The following ANAPC4 variants were observed in gnomAD, a reference collection of about 807,000 sequenced individuals.
ANAPC4 encodes anaphase promoting complex subunit 4.
Under a neutral mutation model 119.8 loss-of-function variants are expected in ANAPC4, and 63 were observed. The ratio of observed to expected loss-of-function variants is 0.53; its 90% CI spans 0.43 to 0.65. The LOEUF is 0.65. ANAPC4 is among the 30% of genes least tolerant of loss of function. ANAPC4 has a pLI of 0.00. For synonymous variants in ANAPC4, 283 were observed against 318.6 expected (o/e 0.89, Z 1.19); for missense variants, 716 against 945.1 (o/e 0.76, Z 3.18).
intron 9 of ANAPC4, among the ~76,000 whole-genome samples, 190 bp from the exon 10 acceptor site, chr4:25,392,148 A>G (rs925892616): frequency 6.6e-6 from 1 of 152,168 alleles, no homozygotes; most frequent in Non-Finnish European, 1.5e-5. Flanking sequence ...ACCCAGAGAG[A>G]GTGATTTGTG....
In ANAPC4 at chr4:25,377,307, C is replaced by CT; in HGVS notation, c.-47dup. Reference sequence around the variant, plus strand: ...GCCGGCAGAGGGAGGGGAGAGGCCACTGGGGCCGTGTTAGTCTGCCGGTGG... The same window carrying CT: ...GCCGGCAGAGGGAGGGGAGAGGCCACTTGGGGCCGTGTTAGTCTGCCGGTGG... On this transcript the variant is annotated 5_prime_UTR_variant, in exon 1 of 29. Coordinates refer to ENST00000315368, the MANE Select transcript of ANAPC4 (RefSeq NM_013367.3). 1 of 1,384,688 alleles carries CT rather than the reference C, an allele frequency of 7.2e-7. No individual in the cohort carries two copies. Among genetic ancestry groups the CT allele is most frequent in the Admixed American group, 2.3e-5 (1 of 42,798 alleles). 85.8% of individuals were successfully genotyped at this position (1,384,688 alleles called of 1,614,324 possible). A position where few individuals can be genotyped will look rare whatever the true frequency, so the allele number is the denominator to read the frequency against.
At chr4:25,396,314 G>A (rs1279743115) in intron 14 of ANAPC4, among the ~76,000 whole-genome samples, 5 of 152,274 alleles carry the variant, frequency 3.3e-5, no homozygotes, top group Non-Finnish European at 5.9e-5. Context: ...TATATAGCAC[G>A]GTACCTGACC....
intron 27 of ANAPC4, 117 bp downstream of exon 27, chr4:25,416,715 C>A: frequency 2.6e-6 from 2 of 766,580 alleles, no homozygotes; most frequent in Non-Finnish European, 3.8e-6. Flanking sequence ...GAGATAACCA[C>A]AGAGGTAGCT....
intron 2 of ANAPC4, among the ~76,000 whole-genome samples, chr4:25,379,344 AG>A (rs1254694961): frequency 6.6e-6 from 1 of 152,222 alleles, no homozygotes; most frequent in African/African-American, 2.4e-5. Flanking sequence ...TTAAGGAATG[AG>A]GGGAATGGCC....
At chr4:25,397,299 T>C (rs1403119639) in intron 16 of ANAPC4, among the ~76,000 whole-genome samples, 2 of 152,224 alleles carry the variant, frequency 1.3e-5, no homozygotes, top group Non-Finnish European at 2.9e-5. Flanking sequence ...CTGTTTTTTC[T>C]GCATCCTTCC....
At position 25,390,131 on chromosome 4, in the gene ANAPC4, A is replaced by T; in HGVS notation, c.516-5A>T. On this transcript the variant is annotated splice_polypyrimidine_tract_variant and splice_region_variant and intron_variant, in intron 7 of 28. Coordinates refer to ENST00000315368, the MANE Select transcript of ANAPC4 (RefSeq NM_013367.3). The stretch of plus-strand genomic sequence containing the variant: ...TTCTCAGCTTGTTGCATTGTTTTTA[A>T]TTAGGCTTAATATTCTCGTCCTTGG... 6.2e-7 allele frequency: 1 copy of T among 1,605,820 alleles called. No homozygotes were observed. Among genetic ancestry groups the T allele is most frequent in the South Asian group, 1.1e-5 (1 of 90,262 alleles).
intron 8 of ANAPC4, 63 bp from the exon 9 acceptor site, chr4:25,390,848 A>G (rs1722309162): frequency 7.8e-7 from 1 of 1,284,060 alleles, no homozygotes; most frequent in Non-Finnish European, 1.1e-6. Context: ...TGCTTTCTGC[A>G]TGATAATCAG....
intron 27 of ANAPC4, 200 bp downstream of exon 27, chr4:25,416,798 A>G (rs777768974): frequency 3.6e-4 from 131 of 367,004 alleles, no homozygotes; most frequent in Non-Finnish European, 6.0e-4. Flanking sequence ...TTGCTTTACT[A>G]GTAAATCAGG....
intron 22 of ANAPC4, 142 bp downstream of exon 22, chr4:25,413,884 A>G (rs1440374204): frequency 1.4e-5 from 9 of 663,930 alleles, no homozygotes; most frequent in African/African-American, 3.7e-5. Flanking sequence ...AAAAGTAACA[A>G]TTTCATATGG....
At chr4:25,398,154 T>C (rs1332612520) in intron 16 of ANAPC4, among the ~76,000 whole-genome samples, 1 of 152,236 alleles carries the variant, frequency 6.6e-6, no homozygotes, top group Non-Finnish European at 1.5e-5. Context: ...GTGTCTTTTC[T>C]TTTTCTCTTA....
At chr4:25,415,988 CT>C in intron 26 of ANAPC4, 1 of 163,822 alleles carries the variant, frequency 6.1e-6, no homozygotes, top group Non-Finnish European at 1.3e-5. Context: ...CTTTTTCTCA[CT>C]TTTTTCCTCA....
In ANAPC4 at chr4:25,409,775, TAGC is replaced by T. The variant is rs2109140887; in HGVS notation, c.1513_1515del (p.Ser505del). On this transcript the variant is annotated inframe_deletion, in exon 21 of 29. Coordinates refer to ENST00000315368, the MANE Select transcript of ANAPC4 (RefSeq NM_013367.3). Reference sequence around the variant, plus strand: ...ACCAGTGGTATGACTTTCTTCAAAATAGCAGCCACCTTAAAGGTACTTCATGAA... The same window carrying T: ...ACCAGTGGTATGACTTTCTTCAAAATAGCCACCTTAAAGGTACTTCATGAA... The T allele has an allele frequency of 2.5e-6, 4 of 1,613,260 alleles. No homozygotes were observed. The highest frequency in any genetic ancestry group is 3.4e-6 in the Non-Finnish European group (4 of 1,179,476).
chr4:25,411,789 A>G (rs1420038084), intron 21 of ANAPC4, among the ~76,000 whole-genome samples: 3 of 152,230 alleles, frequency 2.0e-5, no homozygotes, highest in Non-Finnish European at 4.4e-5. Context: ...TCTGTAGGTT[A>G]GTGTCTGAGC....
At chr4:25,394,447 TATAGTC>T (rs1722525812) in intron 12 of ANAPC4, 73 bp downstream of exon 12, 1 of 1,337,000 alleles carries the variant, frequency 7.5e-7, no homozygotes, top group Non-Finnish European at 1.0e-6. Context: ...AAAAGTAGTT[TATAGTC>T]ATAGTATGTG....
At chr4:25,415,624 G>A in intron 26 of ANAPC4, 84 bp downstream of exon 26, 8 of 1,162,084 alleles carry the variant, frequency 6.9e-6, no homozygotes, top group Non-Finnish European at 9.9e-6. Flanking sequence ...CTCAGTTACG[G>A]TGGTAATATA....
Position 25,405,651 on chromosome 4 carries a change from C to G in ANAPC4, c.1317+32C>G, listed in dbSNP as rs775499929. On this transcript the variant is annotated intron_variant, in intron 18 of 28. Coordinates refer to ENST00000315368, the MANE Select transcript of ANAPC4 (RefSeq NM_013367.3). This position sits in a 1 kb window ranked among gnomAD's most constrained non-coding sequence, Gnocchi z 4.6. ...TGTACTAGTGCATTTTCACAGTGTT[C>G]ACATTGTCCTGCTTGAACTCAGCTG... is the stretch of plus-strand genomic sequence containing the variant. The G allele has an allele frequency of 6.2e-7, 1 of 1,605,472 alleles. No individual in the cohort carries two copies. The highest frequency in any genetic ancestry group is 2.2e-5 in the East Asian group (1 of 44,782).
intron 21 of ANAPC4, 124 bp from the exon 22 acceptor site, chr4:25,413,521 G>T: frequency 8.1e-6 from 5 of 615,452 alleles, no homozygotes; most frequent in East Asian, 3.0e-5. Context: ...CCAATGAAGT[G>T]GTCAGTGAAA....
At position 25,405,516 on chromosome 4, in the gene ANAPC4, T is replaced by C; in HGVS notation, c.1271-57T>C. The C allele has an allele frequency of 6.8e-7, 1 of 1,470,678 alleles. No individual in the cohort carries two copies. Among genetic ancestry groups the C allele is most frequent in the African/African-American group, 1.4e-5 (1 of 71,994 alleles). 91.1% of individuals were successfully genotyped at this position (1,470,678 alleles called of 1,614,324 possible). On this transcript the variant is annotated intron_variant, in intron 17 of 28. Transcript: ENST00000315368. This position sits in a 1 kb window ranked among gnomAD's most constrained non-coding sequence, Gnocchi z 4.6. ...CCTTGTCTTTGAAATGTATTTATAA[T>C]TAAAATTATGTTTGTAGTTTGCTTT...
chr4:25,394,962 C>A, intron 14 of ANAPC4, 57 bp downstream of exon 14: 3 of 1,294,408 alleles, frequency 2.3e-6, no homozygotes, highest in Non-Finnish European at 3.3e-6. Context: ...TGGCGTTGGC[C>A]TTCTTTCCGC....
Sources: gnomAD v4.1 joint callset for allele counts (sites outside exome capture counted in the v4.1 genomes callset) on GRCh38, gnomAD v4.1.1 for gene constraint, Gnocchi (gnomAD v3.1) non-coding constraint, MANE v1.5 for transcripts, NCBI Gene and HGNC (gene_info 2026-07-23, HGNC 2026-07-21) for gene names.